The following ZNF609 variants were observed in gnomAD, a reference collection of about 807,000 sequenced individuals.
ZNF609 encodes zinc finger protein 609.
In ZNF609, 11 loss-of-function variants were observed where a neutral mutation model predicts 109.5. The ratio of observed to expected loss-of-function variants is 0.10; its 90% CI spans 0.06 to 0.17. ZNF609 has a LOEUF of 0.17. Ranked by LOEUF, ZNF609 falls within the 10% of genes least tolerant of loss-of-function variation. The probability of loss-of-function intolerance (pLI) is 1.00; values close to 1 mark genes in which losing one functional copy is unlikely to be tolerated. For synonymous variants in ZNF609, 646 were observed against 662.0 expected, an observed-to-expected ratio of 0.98 and a Z score of 0.37; for missense variants, 1,559 against 1,772.4, an observed-to-expected ratio of 0.88 and a Z score of 2.16.
intron 2 of ZNF609, among the ~76,000 whole-genome samples, chr15:64,530,436 A>G (rs1653782761): frequency 6.6e-6 from 1 of 152,226 alleles, no homozygotes; most frequent in Non-Finnish European, 1.5e-5. Flanking sequence ...ATTAAATGCA[A>G]TTACAAAGGT....
chr15:64,561,540 T>C (rs1894680082), intron 2 of ZNF609, among the ~76,000 whole-genome samples: 1 of 151,346 alleles, frequency 6.6e-6, no homozygotes, highest in Non-Finnish European at 1.5e-5. Context: ...TTCTTTCTTT[T>C]CTTTTCTTTT....
intron 1 of ZNF609, among the ~76,000 whole-genome samples, chr15:64,483,486 C>T (rs1445365507): frequency 3.3e-5 from 5 of 151,948 alleles, no homozygotes; most frequent in African/African-American, 1.2e-4. Flanking sequence ...TCCTGGGCTC[C>T]AGTTATCATC....
At chr15:64,581,342 C>T (rs1038709715) in intron 2 of ZNF609, among the ~76,000 whole-genome samples, 1 of 152,086 alleles carries the variant, frequency 6.6e-6, no homozygotes, top group African/African-American at 2.4e-5. Flanking sequence ...TTTTCTTCTA[C>T]TCTCAGACAA....
intron 3 of ZNF609, among the ~76,000 whole-genome samples, chr15:64,648,542 T>C (rs895965847): frequency 3.3e-5 from 5 of 152,098 alleles, no homozygotes; most frequent in African/African-American, 1.2e-4. Flanking sequence ...TGATTGGGAT[T>C]CAGATCCTAG....
At chr15:64,655,827 CAAGAA>C (rs1896480661) in intron 3 of ZNF609, among the ~76,000 whole-genome samples, 1 of 151,748 alleles carries the variant, frequency 6.6e-6, no homozygotes, top group South Asian at 2.1e-4. Context: ...AACTCTGTCT[CAAGAA>C]AAGTAAATAA....
At chr15:64,558,588 C>G (rs1184867192) in intron 2 of ZNF609, among the ~76,000 whole-genome samples, 1 of 152,178 alleles carries the variant, frequency 6.6e-6, no homozygotes, top group Non-Finnish European at 1.5e-5. Context: ...ACATATTCCT[C>G]TTTGTGTTGC....
intron 3 of ZNF609, chr15:64,631,635 C>T (rs1292479481): frequency 1.2e-5 from 4 of 333,334 alleles, no homozygotes; most frequent in Middle Eastern, 1.9e-3. Flanking sequence ...TGGGTTCAAG[C>T]GATTCTCCTG....
intron 6 of ZNF609, 78 bp downstream of exon 6, chr15:64,678,560 T>G: frequency 1.3e-6 from 2 of 1,513,628 alleles, no homozygotes; most frequent in Non-Finnish European, 1.8e-6. Context: ...AGAGTTTTCT[T>G]GCTCAGCCCC....
chr15:64,489,646 C>T (rs921292397), intron 1 of ZNF609, among the ~76,000 whole-genome samples: 1 of 151,316 alleles, frequency 6.6e-6, no homozygotes, highest in African/African-American at 2.4e-5. Flanking sequence ...TCTCCTGCCT[C>T]AGCCTCCCAA....
At chr15:64,580,955 CTTTTTTTTTTTTTTTT>C (rs57690590) in intron 2 of ZNF609, among the ~76,000 whole-genome samples, 1 of 58,744 alleles carries the variant, frequency 1.7e-5, no homozygotes, top group Non-Finnish European at 2.9e-5. Flanking sequence ...TCAATGTCTT[CTTTTTTTTTTTTTTTT>C]TTTTTTTTTT....
intron 2 of ZNF609, among the ~76,000 whole-genome samples, chr15:64,545,502 A>G (rs2140386322): frequency 6.6e-6 from 1 of 152,286 alleles, no homozygotes; most frequent in South Asian, 2.1e-4. Flanking sequence ...CTTCGCCAGG[A>G]TTTTTAATAA....
intron 3 of ZNF609, among the ~76,000 whole-genome samples, chr15:64,633,108 T>C (rs904860021): frequency 6.6e-6 from 1 of 151,772 alleles, no homozygotes; most frequent in Middle Eastern, 3.4e-3. Context: ...TGTTTTGTTT[T>C]TTTTTTTCTG....
chr15:64,627,070 A>G (rs1164982707), intron 3 of ZNF609, among the ~76,000 whole-genome samples: 1 of 152,058 alleles, frequency 6.6e-6, no homozygotes, highest in African/African-American at 2.4e-5. Flanking sequence ...TTAGCCTGTA[A>G]TCCCAGCTAC....
chr15:64,558,660 C>G (rs1486924012), intron 2 of ZNF609, among the ~76,000 whole-genome samples: 1 of 152,206 alleles, frequency 6.6e-6, no homozygotes, highest in Non-Finnish European at 1.5e-5. Context: ...TTCATTGCCA[C>G]AAGTTCTTTT....
At chr15:64,625,487 T>G (rs558622578) in intron 3 of ZNF609, among the ~76,000 whole-genome samples, 9 of 152,082 alleles carry the variant, frequency 5.9e-5, no homozygotes, top group Non-Finnish European at 1.2e-4. Flanking sequence ...ACCATTGCAC[T>G]CTGGCCCAGG....
chr15:64,483,036 A>G (rs1451045086), intron 1 of ZNF609, among the ~76,000 whole-genome samples: 1 of 152,074 alleles, frequency 6.6e-6, no homozygotes, highest in Non-Finnish European at 1.5e-5. Flanking sequence ...GTAAATATTC[A>G]TATTGCTGGA....
intron 3 of ZNF609, among the ~76,000 whole-genome samples, chr15:64,633,928 C>T (rs567426758): frequency 2.0e-5 from 3 of 152,018 alleles, no homozygotes; most frequent in South Asian, 4.2e-4. Context: ...AATCTCATGC[C>T]TCGTATAGCC....
chr15:64,531,017 C>G (rs909255956), intron 2 of ZNF609, among the ~76,000 whole-genome samples: 1 of 152,180 alleles, frequency 6.6e-6, no homozygotes, highest in African/African-American at 2.4e-5. Flanking sequence ...CAGAATTACT[C>G]TTTTTCCTAA....
chr15:64,629,973 C>G (rs536925667), intron 3 of ZNF609, among the ~76,000 whole-genome samples: 1 of 152,086 alleles, frequency 6.6e-6, no homozygotes, highest in Non-Finnish European at 1.5e-5. Context: ...TCAACAGAAA[C>G]TGATTTATTA....
Sources: gnomAD v4.1 joint callset for allele counts (sites outside exome capture counted in the v4.1 genomes callset) on GRCh38, gnomAD v4.1.1 for gene constraint, MANE v1.5 for transcripts, NCBI Gene and HGNC (gene_info 2026-07-23, HGNC 2026-07-21) for gene names.